RNGTT: variants seen among roughly 807,000 people sequenced by gnomAD.
RNGTT encodes RNA guanylyltransferase and 5'-phosphatase, also known as mRNA-capping enzyme.
In RNGTT, 33 loss-of-function variants were observed where a neutral mutation model predicts 79.3. The observed-to-expected ratio is 0.42, with a 90% CI of 0.32 to 0.56. The LOEUF is 0.56. Among genes scored for constraint, RNGTT ranks in the 20% least tolerant of loss-of-function variants. The pLI, the probability that RNGTT is intolerant of heterozygous loss-of-function variation, is 0.17. For missense variants in RNGTT, 497 were observed against 739.1 expected, an observed-to-expected ratio of 0.67 and a Z score of 3.80; for synonymous variants, 222 against 235.9, an observed-to-expected ratio of 0.94 and a Z score of 0.54.
intron 13 of RNGTT, among the ~76,000 whole-genome samples, chr6:88,741,345 C>T (rs1326830473): frequency 6.6e-6 from 1 of 152,088 alleles, no homozygotes; most frequent in East Asian, 1.9e-4. Context: ...GAACAGAAAA[C>T]CGAATACCAC....
At chr6:88,629,196 G>C (rs193058131) in intron 14 of RNGTT, among the ~76,000 whole-genome samples, 11 of 152,260 alleles carry the variant, frequency 7.2e-5, no homozygotes, top group Admixed American at 1.3e-4. Flanking sequence ...CTGTGAAATG[G>C]GGATTAAGTG....
chr6:88,660,230 C>T (rs914096946), intron 14 of RNGTT, among the ~76,000 whole-genome samples: 1 of 152,016 alleles, frequency 6.6e-6, no homozygotes, highest in Non-Finnish European at 1.5e-5. Context: ...TAAAACAACA[C>T]AATGAAAACA....
At chr6:88,614,819 G>A (rs371768131) in intron 14 of RNGTT, among the ~76,000 whole-genome samples, 49 of 152,248 alleles carry the variant, frequency 3.2e-4, no homozygotes, top group African/African-American at 1.1e-3. Context: ...AAGAAATGCC[G>A]TGTACTAGTT....
chr6:88,669,805 A>T (rs984838314), intron 14 of RNGTT, among the ~76,000 whole-genome samples: 22 of 152,166 alleles, frequency 1.4e-4, no homozygotes, highest in African/African-American at 4.8e-5. Context: ...TTCCCTGTCT[A>T]TGCTTCCTGA....
At position 88,849,789 on chromosome 6, in the gene RNGTT, G is replaced by A; in HGVS notation, c.1070C>T (p.Pro357Leu). The stretch of plus-strand genomic sequence containing the variant: ...AATTATGTCATATATCAAATATCTA[G>A]GAACAGCCTGTCCATTTACTCTGTC... The part of the protein sequence containing the change: ...IIDRVNGQAV[P>L]RYLIYDIIKF... Residue 357 changes from proline to leucine, a missense_variant, in exon 10 of 16, where the codon CCT becomes CTT. Physicochemically the swap from Pro to Leu is moderately conservative, Grantham distance 98. This residue lies in a region of RNGTT where 440 missense variants were observed against 671.5 expected (regional missense o/e 0.66). Coordinates refer to ENST00000369485, the MANE Select transcript of RNGTT (RefSeq NM_003800.5). 1 of 1,568,432 alleles carries A rather than the reference G, an allele frequency of 6.4e-7. No individual in the cohort carries two copies. Among genetic ancestry groups the A allele is most frequent in the Non-Finnish European group, 8.6e-7 (1 of 1,157,884 alleles).
At chr6:88,810,064 AT>A (rs1321040274) in intron 11 of RNGTT, among the ~76,000 whole-genome samples, 2 of 151,682 alleles carry the variant, frequency 1.3e-5, no homozygotes, top group Non-Finnish European at 2.9e-5. Context: ...GCAAAAAAAA[AT>A]TTTTTACCCA....
chr6:88,730,370 AC>A (rs1298610508), intron 13 of RNGTT, among the ~76,000 whole-genome samples: 2 of 152,020 alleles, frequency 1.3e-5, no homozygotes, highest in Non-Finnish European at 2.9e-5. Context: ...GTGCCATCTA[AC>A]CCTAGCCAAT....
intron 11 of RNGTT, among the ~76,000 whole-genome samples, chr6:88,802,979 T>TGA (rs1231363359): frequency 3.3e-5 from 5 of 152,316 alleles, no homozygotes; most frequent in African/African-American, 1.2e-4. Flanking sequence ...CACACACTCT[T>TGA]GAAAGCACTA....
chr6:88,623,174 T>C (rs769490321), intron 14 of RNGTT, among the ~76,000 whole-genome samples: 3 of 151,368 alleles, frequency 2.0e-5, no homozygotes, highest in Non-Finnish European at 2.9e-5. Flanking sequence ...CTTAAGACAG[T>C]GATTAACAAC....
chr6:88,781,919 CCTAA>C (rs1290886517), intron 12 of RNGTT, among the ~76,000 whole-genome samples: 3 of 152,018 alleles, frequency 2.0e-5, no homozygotes, highest in African/African-American at 7.3e-5. Flanking sequence ...TTGTGATCAA[CCTAA>C]CTGTTATCCC....
intron 13 of RNGTT, among the ~76,000 whole-genome samples, chr6:88,764,438 T>C (rs970663226): frequency 7.9e-5 from 12 of 152,190 alleles, no homozygotes; most frequent in African/African-American, 2.9e-4. Flanking sequence ...TTCTAAAAGA[T>C]ACTATTAGAG....
chr6:88,828,385 A>C (rs765262882), intron 11 of RNGTT, among the ~76,000 whole-genome samples: 4 of 152,224 alleles, frequency 2.6e-5, no homozygotes, highest in Non-Finnish European at 5.9e-5. Context: ...CCCCATCCGA[A>C]GGTCACCAAC....
intron 8 of RNGTT, among the ~76,000 whole-genome samples, chr6:88,886,129 C>T (rs1184267447): frequency 6.6e-6 from 1 of 152,156 alleles, no homozygotes; most frequent in Non-Finnish European, 1.5e-5. Flanking sequence ...CACGTTGAAA[C>T]TCCGTCTCTA....
At chr6:88,835,238 G>A (rs1040084848) in intron 11 of RNGTT, among the ~76,000 whole-genome samples, 4 of 152,074 alleles carry the variant, frequency 2.6e-5, no homozygotes, top group African/African-American at 9.7e-5. Flanking sequence ...TGAAATGGGG[G>A]AAAGGGGACA....
chr6:88,834,411 C>CA (rs1780991789), intron 11 of RNGTT, among the ~76,000 whole-genome samples: 1 of 152,114 alleles, frequency 6.6e-6, no homozygotes, highest in Non-Finnish European at 1.5e-5. Flanking sequence ...TAATGAATGA[C>CA]ATATTAATAG....
At chr6:88,615,619 G>A (rs918702600) in intron 14 of RNGTT, among the ~76,000 whole-genome samples, 3 of 152,142 alleles carry the variant, frequency 2.0e-5, no homozygotes, top group African/African-American at 7.2e-5. Context: ...GAAACACTGT[G>A]TATATGCAAG....
chr6:88,810,526 C>A (rs569577939), intron 11 of RNGTT, among the ~76,000 whole-genome samples: 2 of 152,100 alleles, frequency 1.3e-5, no homozygotes, highest in African/African-American at 4.8e-5. Context: ...CTGTCAGGCA[C>A]AGTCTCCATG....
At chr6:88,681,417 T>C (rs1775088953) in intron 13 of RNGTT, among the ~76,000 whole-genome samples, 1 of 152,170 alleles carries the variant, frequency 6.6e-6, no homozygotes, top group Admixed American at 6.5e-5. Flanking sequence ...TATACTTCTT[T>C]CTTATTCATT....
chr6:88,715,996 C>T (rs1175052833), intron 13 of RNGTT, among the ~76,000 whole-genome samples: 5 of 151,820 alleles, frequency 3.3e-5, no homozygotes, highest in Admixed American at 2.0e-4. Context: ...AGCTTCTGCA[C>T]GGCAAAAGAA....
Sources: gnomAD v4.1 joint callset for allele counts (sites outside exome capture counted in the v4.1 genomes callset) on GRCh38, gnomAD v4.1.1 for gene constraint, gnomAD v4.1.1 regional missense constraint, MANE v1.5 for transcripts, NCBI Gene and HGNC (gene_info 2026-07-23, HGNC 2026-07-21) for gene names.